Variants in CNTN1 observed in about 807,000 individuals in gnomAD.
CNTN1 encodes the protein contactin-1.
In CNTN1, 38 loss-of-function variants were observed where a neutral mutation model predicts 126.4. The ratio of observed to expected loss-of-function variants is 0.30; its 90% CI spans 0.23 to 0.39. The LOEUF is 0.39. Among genes scored for constraint, CNTN1 ranks in the 10% least tolerant of loss-of-function variants. The pLI is 1.00. For synonymous variants in CNTN1, 413 were observed against 422.6 expected (o/e 0.98, Z 0.28); for missense variants, 1,009 against 1,248.4 (o/e 0.81, Z 2.89).
chr12:41,067,559 T>C lies in CNTN1; in HGVS notation c.2981-2400T>C, dbSNP rs1016266407. 9.1e-5 allele frequency among the ~76,000 whole-genome samples: 13 copies of C among 142,904 alleles called. No homozygotes were observed. In the Admixed American group the frequency reaches 9.1e-4, roughly 10 times the overall value. 93.8% of individuals were successfully genotyped at this position (142,904 alleles called of 152,430 possible). ...GCATATTCTCACTCATAGGTGGGAA[T>C]TGAACAATGAGATCACATGGACACA... On this transcript the variant is annotated intron_variant, in intron 23 of 23. Transcript: ENST00000551295.
intron 17 of CNTN1, among the ~76,000 whole-genome samples, chr12:40,999,686 G>C (rs1592381275): frequency 1.4e-5 from 2 of 138,734 alleles, no homozygotes; most frequent in South Asian, 2.3e-4. Flanking sequence ...AGCAGTTACT[G>C]TTCTTCTGTG....
intron 1 of CNTN1, among the ~76,000 whole-genome samples, chr12:40,806,209 G>A (rs1206763916): frequency 2.0e-5 from 3 of 152,014 alleles, no homozygotes; most frequent in Non-Finnish European, 4.4e-5. Context: ...CAGCATTTCT[G>A]CCCCTCCTCC....
chr12:41,014,838 C>T (rs1227756774), intron 18 of CNTN1, among the ~76,000 whole-genome samples: 1 of 151,960 alleles, frequency 6.6e-6, no homozygotes, highest in African/African-American at 2.4e-5. Context: ...ACTACAATCT[C>T]TAGAAAACAA....
At chr12:40,722,473 G>T (rs1221323724) in intron 1 of CNTN1, among the ~76,000 whole-genome samples, 1 of 152,066 alleles carries the variant, frequency 6.6e-6, no homozygotes, top group Non-Finnish European at 1.5e-5. Context: ...TGGTTGTAAG[G>T]TCTCTATTAG....
chr12:40,952,833 TATTTCATGG>T (rs1266614875), intron 14 of CNTN1, among the ~76,000 whole-genome samples: 1 of 152,184 alleles, frequency 6.6e-6, no homozygotes, highest in East Asian at 1.9e-4. Flanking sequence ...AACGTTTTAT[TATTTCATGG>T]ATATAGCATA....
chr12:41,042,604 C>T (rs985349413), intron 23 of CNTN1, among the ~76,000 whole-genome samples: 11 of 151,926 alleles, frequency 7.2e-5, no homozygotes, highest in Non-Finnish European at 1.2e-4. Context: ...GGTGCCATCC[C>T]CCTCAAGCTA....
At chr12:41,032,853 T>C (rs369629989) in intron 23 of CNTN1, among the ~76,000 whole-genome samples, 1 of 152,212 alleles carries the variant, frequency 6.6e-6, no homozygotes, top group East Asian at 1.9e-4. Context: ...CTTGTTTGCC[T>C]CAGTTGACCT....
intron 23 of CNTN1, among the ~76,000 whole-genome samples, chr12:41,046,528 A>G (rs1239066584): frequency 6.6e-6 from 1 of 152,084 alleles, no homozygotes; most frequent in African/African-American, 2.4e-5. Flanking sequence ...TGATACTTTT[A>G]TAAATGAATT....
intron 23 of CNTN1, among the ~76,000 whole-genome samples, chr12:41,069,709 C>T (rs899127281): frequency 3.3e-5 from 5 of 151,852 alleles, no homozygotes; most frequent in African/African-American, 4.8e-5. Context: ...GGACAGCATA[C>T]ACATTTGTGA....
At chr12:40,775,893 CGTAGTG>C (rs1939558300) in intron 1 of CNTN1, among the ~76,000 whole-genome samples, 1 of 151,464 alleles carries the variant, frequency 6.6e-6, no homozygotes, top group Admixed American at 6.6e-5. Flanking sequence ...GAGTCAAAAA[CGTAGTG>C]TAAGTAGTAT....
intron 23 of CNTN1, among the ~76,000 whole-genome samples, chr12:41,057,575 G>A (rs1949853754): frequency 6.6e-6 from 1 of 151,968 alleles, no homozygotes; most frequent in Non-Finnish European, 1.5e-5. Context: ...TCTGAATTAA[G>A]CACTTTAGTG....
Position 40,750,269 on chromosome 12 carries a change from G to C in CNTN1, c.-77+57677G>C, listed in dbSNP as rs551366727. ...TGATGATGAGTTCATCTACTAGAGA[G>C]GAATTATCAATGAGGCAGGAGGGGA... On this transcript the variant is annotated intron_variant, in intron 1 of 23. Coordinates refer to ENST00000551295, the MANE Select transcript of CNTN1 (RefSeq NM_001843.4). Among the ~76,000 whole-genome samples, 9 of 152,152 alleles carry C rather than the reference G, an allele frequency of 5.9e-5. No individual in the cohort carries two copies. The South Asian group carries it at 1.7e-3, about 28-fold the overall frequency.
At chr12:40,944,510 C>T (rs1199677375) in intron 14 of CNTN1, among the ~76,000 whole-genome samples, 1 of 151,848 alleles carries the variant, frequency 6.6e-6, no homozygotes, top group African/African-American at 2.4e-5. Flanking sequence ...AAATGAAGAG[C>T]ATAGAACTTA....
At chr12:40,841,700 GA>G (rs956709587) in intron 1 of CNTN1, among the ~76,000 whole-genome samples, 5 of 151,590 alleles carry the variant, frequency 3.3e-5, no homozygotes, top group Non-Finnish European at 7.4e-5. Flanking sequence ...AATAGATGCA[GA>G]AAAAAAATTT....
At chr12:41,030,735 C>T (rs1949129792) in intron 23 of CNTN1, among the ~76,000 whole-genome samples, 1 of 152,052 alleles carries the variant, frequency 6.6e-6, no homozygotes, top group Non-Finnish European at 1.5e-5. Flanking sequence ...TGCTAAATTT[C>T]TTCAAAAACA....
chr12:41,039,857 C>CAG (rs34894716), intron 23 of CNTN1, among the ~76,000 whole-genome samples: 12,663 of 152,014 alleles, frequency 0.083, 771 homozygotes, highest in African/African-American at 0.17. Flanking sequence ...AATTGCTGAA[C>CAG]AGAGTCAGTA....
At position 40,933,720 on chromosome 12, in the gene CNTN1, G is replaced by A. The variant is rs201607834; in HGVS notation, c.827G>A (p.Arg276Gln). The change falls in exon 9 of 24, where the codon CGG (arginine) becomes CAG (glutamine). Residue 276 changes from arginine to glutamine, a missense_variant. Arg to Gln is a conservative substitution (Grantham distance 43). Coordinates refer to ENST00000551295, the MANE Select transcript of CNTN1 (RefSeq NM_001843.4). ...AGTCCTGTTCCGGATATCCGATGGC[G>A]GAAGGTTCTAGAACCAATGCCAAGC... The part of the protein sequence containing the change: ...LGNPVPDIRW[R>Q]KVLEPMPSTA... 6.4e-5 allele frequency: 104 copies of A among 1,612,620 alleles called. No homozygotes were observed. The highest frequency in any genetic ancestry group is 1.5e-4 in the South Asian group (14 of 91,046).
At chr12:40,695,905 C>T (rs998518985) in intron 1 of CNTN1, among the ~76,000 whole-genome samples, 1 of 152,190 alleles carries the variant, frequency 6.6e-6, no homozygotes, top group African/African-American at 2.4e-5. Context: ...TAATCTCCCT[C>T]CCATTAGCCA....
intron 1 of CNTN1, among the ~76,000 whole-genome samples, chr12:40,707,246 T>C (rs1386573276): frequency 0.015 from 1,261 of 86,290 alleles, 47 homozygotes; most frequent in East Asian, 0.02. Context: ...TTTTTTTTTT[T>C]TTTTTTTTTT....
Sources: allele counts gnomAD v4.1 joint callset (sites outside exome capture counted in the v4.1 genomes callset), GRCh38; gene constraint gnomAD v4.1.1; transcripts MANE v1.5; gene names NCBI Gene and HGNC (gene_info 2026-07-23, HGNC 2026-07-21).